Variants in EYS observed in about 807,000 individuals in gnomAD.
EYS encodes the protein protein eyes shut homolog.
EYS carries 250 observed loss-of-function variants against 282.1 expected under a neutral mutation model. That is an observed-to-expected ratio of 0.89 (90% CI 0.80 to 0.98). The LOEUF is 0.98. Among genes scored for constraint, EYS ranks in the 50% least tolerant of loss-of-function variants. The pLI is 0.00. For synonymous variants in EYS, 1,355 were observed against 1,282.9 expected, an observed-to-expected ratio of 1.06 and a Z score of -1.20; for missense variants, 4,016 against 3,709.0, an observed-to-expected ratio of 1.08 and a Z score of -2.15.
chr6:65,025,630 T>A (rs1196595898), intron 13 of EYS, among the ~76,000 whole-genome samples: 1 of 152,092 alleles, frequency 6.6e-6, no homozygotes, highest in Non-Finnish European at 1.5e-5. Context: ...ACGAGAACTG[T>A]TTGAACCCAG....
At chr6:64,373,565 G>A (rs769257401) in intron 29 of EYS, among the ~76,000 whole-genome samples, 2 of 152,218 alleles carry the variant, frequency 1.3e-5, no homozygotes, top group Non-Finnish European at 2.9e-5. Context: ...AGGAGAGGTT[G>A]GTGTGGGTGG....
At chr6:64,883,584 T>C (rs1376143150) in intron 19 of EYS, among the ~76,000 whole-genome samples, 2 of 151,428 alleles carry the variant, frequency 1.3e-5, no homozygotes, top group African/African-American at 2.4e-5. Context: ...GGAGACTTCT[T>C]GCTAAATGAG....
intron 26 of EYS, among the ~76,000 whole-genome samples, chr6:64,489,168 T>G (rs1484361903): frequency 6.6e-6 from 1 of 150,898 alleles, no homozygotes; most frequent in Non-Finnish European, 1.5e-5. Context: ...TATTAGAGAT[T>G]AGAGAACTTG....
intron 23 of EYS, among the ~76,000 whole-genome samples, chr6:64,620,836 CATTA>C (rs1226417448): frequency 2.0e-5 from 3 of 152,150 alleles, no homozygotes; most frequent in East Asian, 3.9e-4. Flanking sequence ...CAAAAATTGT[CATTA>C]GCAATCTAGG....
At chr6:64,920,961 T>C (rs1451736211) in intron 15 of EYS, among the ~76,000 whole-genome samples, 3 of 152,144 alleles carry the variant, frequency 2.0e-5, no homozygotes, top group Non-Finnish European at 2.9e-5. Flanking sequence ...TAATAAGCAT[T>C]ACACTTGAAG....
intron 33 of EYS, among the ~76,000 whole-genome samples, chr6:64,005,981 AAT>A (rs1279858207): frequency 6.6e-5 from 10 of 152,144 alleles, no homozygotes; most frequent in African/African-American, 1.2e-4. Context: ...TGAATTTTAA[AAT>A]AGTTTTTTCT....
chr6:65,473,081 A>G (rs1196205474), intron 5 of EYS, among the ~76,000 whole-genome samples: 3 of 152,030 alleles, frequency 2.0e-5, no homozygotes, highest in African/African-American at 7.2e-5. Context: ...CAATGGTGCT[A>G]AATTCATGTG....
At chr6:64,394,931 A>G (rs1374067085) in intron 28 of EYS, among the ~76,000 whole-genome samples, 1 of 152,222 alleles carries the variant, frequency 6.6e-6, no homozygotes, top group Non-Finnish European at 1.5e-5. Context: ...AAACAAATTT[A>G]CAAGAAAAAA....
intron 26 of EYS, among the ~76,000 whole-genome samples, chr6:64,531,939 C>T (rs2150532363): frequency 6.6e-6 from 1 of 152,184 alleles, no homozygotes; most frequent in East Asian, 1.9e-4. Context: ...TCTTTCAAGT[C>T]CTCTGGGCCT....
At chr6:65,358,864 G>A (rs974570735) in intron 8 of EYS, among the ~76,000 whole-genome samples, 11 of 151,964 alleles carry the variant, frequency 7.2e-5, no homozygotes, top group African/African-American at 2.4e-4. Flanking sequence ...ATGAAAAATA[G>A]CAATGTGTTA....
chr6:64,345,837 A>T (rs1333075780), intron 29 of EYS, among the ~76,000 whole-genome samples: 1 of 152,016 alleles, frequency 6.6e-6, no homozygotes, highest in African/African-American at 2.4e-5. Context: ...TCTACAACAA[A>T]CTCAAACAAA....
At chr6:64,801,460 AG>A (rs1348259032) in intron 22 of EYS, among the ~76,000 whole-genome samples, 1 of 152,132 alleles carries the variant, frequency 6.6e-6, no homozygotes, top group Non-Finnish European at 1.5e-5. Context: ...TCACATCCAA[AG>A]TTACTTACAT....
chr6:64,817,932 T>C (rs933553290), intron 21 of EYS, among the ~76,000 whole-genome samples: 1 of 152,208 alleles, frequency 6.6e-6, no homozygotes, highest in Non-Finnish European at 1.5e-5. Context: ...AGAACTTACA[T>C]GAGTCCTTGC....
intron 2 of EYS, among the ~76,000 whole-genome samples, chr6:65,637,088 C>A (rs1377323577): frequency 6.6e-6 from 1 of 152,156 alleles, no homozygotes; most frequent in Non-Finnish European, 1.5e-5. Context: ...AGATTAAAGG[C>A]TAAGCTTAAA....
At chr6:65,252,559 G>A (rs1767353621) in intron 12 of EYS, among the ~76,000 whole-genome samples, 1 of 151,666 alleles carries the variant, frequency 6.6e-6, no homozygotes. Context: ...AAATGCCTAG[G>A]GTATAATCTA....
At chr6:64,954,417 A>G (rs1002046312) in intron 14 of EYS, among the ~76,000 whole-genome samples, 2 of 152,182 alleles carry the variant, frequency 1.3e-5, no homozygotes, top group East Asian at 3.9e-4. Flanking sequence ...TATTGACTCA[A>G]TTTGACAATT....
At chr6:64,410,980 C>G (rs192774954) in intron 28 of EYS, among the ~76,000 whole-genome samples, 2 of 152,162 alleles carry the variant, frequency 1.3e-5, no homozygotes, top group Admixed American at 6.6e-5. Flanking sequence ...TAACTACCAG[C>G]ATAAAGTTTA....
chr6:64,746,404 C>G (rs751258132), intron 22 of EYS, among the ~76,000 whole-genome samples: 2 of 151,938 alleles, frequency 1.3e-5, no homozygotes, highest in Non-Finnish European at 2.9e-5. Context: ...CAGATGCTAG[C>G]CCCTTGATAT....
intron 12 of EYS, among the ~76,000 whole-genome samples, chr6:65,202,084 C>T (rs1030686946): frequency 4.0e-5 from 6 of 151,868 alleles, no homozygotes; most frequent in Admixed American, 3.9e-4. Flanking sequence ...TGCACTCCAG[C>T]CTGGGTGACA....
Sources: allele counts gnomAD v4.1 joint callset (sites outside exome capture counted in the v4.1 genomes callset), GRCh38; gene constraint gnomAD v4.1.1; transcripts MANE v1.5; gene names NCBI Gene and HGNC (gene_info 2026-07-23, HGNC 2026-07-21).